Variants in SLC4A8 observed in about 807,000 individuals in gnomAD.
SLC4A8 encodes the protein electroneutral sodium bicarbonate exchanger 1.
A neutral mutation model predicts 125.0 loss-of-function variants in SLC4A8; 40 were observed. The ratio of observed to expected loss-of-function variants is 0.32; its 90% CI spans 0.25 to 0.42. The LOEUF (loss-of-function observed/expected upper bound fraction) is 0.42. Among genes scored for constraint, SLC4A8 ranks in the 10% least tolerant of loss-of-function variants. The probability of loss-of-function intolerance (pLI) is 1.00; values close to 1 mark genes in which losing one functional copy is unlikely to be tolerated. For synonymous variants in SLC4A8, 456 were observed against 476.0 expected (o/e 0.96, Z 0.55); for missense variants, 863 against 1,355.1 (o/e 0.64, Z 5.70).
intron 1 of SLC4A8, among the ~76,000 whole-genome samples, chr12:51,396,778 G>A (rs1458865084): frequency 6.6e-6 from 1 of 151,616 alleles, no homozygotes; most frequent in Non-Finnish European, 1.5e-5. Flanking sequence ...TGTATTTTTT[G>A]AATGGTTATT....
chr12:51,483,586 A>G lies in SLC4A8; in HGVS notation c.2173-2201A>G, dbSNP rs566550969. ...GTTCATATTTTAGAAGATGTAAAGC[A>G]ATGAAATTTGCTCTAAATAAATGGC... On this transcript the variant is annotated intron_variant, in intron 16 of 24. Transcript: ENST00000453097. Among the ~76,000 whole-genome samples the G allele has an allele frequency of 6.6e-5, 10 of 151,504 alleles. No homozygotes were observed. The South Asian group carries it at 2.1e-3, about 32-fold the overall frequency.
intron 1 of SLC4A8, among the ~76,000 whole-genome samples, chr12:51,402,678 C>T (rs1378312674): frequency 1.3e-5 from 2 of 152,020 alleles, no homozygotes; most frequent in Non-Finnish European, 2.9e-5. Context: ...GCCGAGACCG[C>T]GCCATTGCAC....
chr12:51,485,927 C>A, intron 17 of SLC4A8, 27 bp downstream of exon 17: 1 of 1,282,016 alleles, frequency 7.8e-7, no homozygotes, highest in Non-Finnish European at 1.1e-6. Flanking sequence ...GTACTTGGTG[C>A]ACTCATGTAA....
At chr12:51,462,918 A>G (rs915362675) in intron 10 of SLC4A8, 1 of 150,536 alleles carries the variant, frequency 6.6e-6, no homozygotes, top group African/African-American at 2.5e-5. Context: ...AAGAATTTGC[A>G]TAGCATAAAT....
intron 2 of SLC4A8, 106 bp from the exon 3 acceptor site, chr12:51,450,770 C>T (rs184253745): frequency 1.6e-6 from 2 of 1,247,322 alleles, no homozygotes; most frequent in South Asian, 1.3e-5. Flanking sequence ...TGTGACCAGA[C>T]CAAAGAACTG....
chr12:51,423,144 G>T (rs1335497102), upstream of SLC4A8, among the ~76,000 whole-genome samples: 1 of 152,076 alleles, frequency 6.6e-6, no homozygotes, highest in African/African-American at 2.4e-5. Flanking sequence ...TATACAGAAG[G>T]GCATAAGAAA....
intron 1 of SLC4A8, among the ~76,000 whole-genome samples, chr12:51,417,755 A>G (rs949204790): frequency 2.0e-5 from 3 of 152,088 alleles, no homozygotes; most frequent in African/African-American, 7.2e-5. Flanking sequence ...TGACCTCGTG[A>G]TCTGCCCACC....
At chr12:51,451,450 A>C (rs1949970211) in intron 3 of SLC4A8, among the ~76,000 whole-genome samples, 1 of 152,252 alleles carries the variant, frequency 6.6e-6, no homozygotes, top group Admixed American at 6.5e-5. Flanking sequence ...ATTGTTATTT[A>C]CTATAGGGTT....
chr12:51,422,850 G>A (rs574167863), upstream of SLC4A8, among the ~76,000 whole-genome samples: 1 of 152,246 alleles, frequency 6.6e-6, no homozygotes, highest in East Asian at 1.9e-4. Flanking sequence ...GACTTAGCTC[G>A]AATCCATGTC....
intron 16 of SLC4A8, among the ~76,000 whole-genome samples, chr12:51,479,738 CA>C (rs1317106772): frequency 6.7e-6 from 1 of 148,802 alleles, no homozygotes; most frequent in African/African-American, 2.5e-5. Flanking sequence ...GTATTTTGAG[CA>C]AAATACATAT....
chr12:51,464,059 A>G (rs1950437060), intron 11 of SLC4A8, among the ~76,000 whole-genome samples: 2 of 151,744 alleles, frequency 1.3e-5, no homozygotes. Context: ...GCCTTCTAGG[A>G]CTCTCTCTGG....
chr12:51,424,054 C>CAAAAAAAAAAAAA (rs1334821004), upstream of SLC4A8, among the ~76,000 whole-genome samples: 6 of 77,440 alleles, frequency 7.7e-5, no homozygotes, highest in Non-Finnish European at 9.9e-5. Context: ...AAAAAAAAAA[C>CAAAAAAAAAAAAA]AAAAAAAACA....
upstream of SLC4A8, chr12:51,420,048 CT>C (rs1948753129): frequency 6.6e-6 from 1 of 152,198 alleles, no homozygotes; most frequent in Admixed American, 6.5e-5. Context: ...AATCATGCAC[CT>C]GCATAACCTT....
At chr12:51,483,940 C>A (rs1323202542) in intron 16 of SLC4A8, among the ~76,000 whole-genome samples, 1 of 152,098 alleles carries the variant, frequency 6.6e-6, no homozygotes, top group Non-Finnish European at 1.5e-5. Flanking sequence ...ATCCTGTGTC[C>A]AAGTGTTCTC....
At chr12:51,403,789 T>C (rs912231819) in intron 1 of SLC4A8, among the ~76,000 whole-genome samples, 1 of 152,274 alleles carries the variant, frequency 6.6e-6, no homozygotes, top group African/African-American at 2.4e-5. Flanking sequence ...ATTGAGATTC[T>C]TCCCATGTCA....
chr12:51,434,481 A>G lies in SLC4A8; in HGVS notation c.49-6227A>G, dbSNP rs183225021. ...CCTGACCTTTCAAATGCTTTTGCTAATGGTTATTGACAGTGGCTCTGTTTT... is the reference window on the plus strand; with the variant it reads ...CCTGACCTTTCAAATGCTTTTGCTAGTGGTTATTGACAGTGGCTCTGTTTT... On this transcript the variant is annotated intron_variant, in intron 1 of 24. Coordinates refer to ENST00000453097, the MANE Select transcript of SLC4A8 (RefSeq NM_001039960.3). Among the ~76,000 whole-genome samples, 302 of 152,334 alleles carry G rather than the reference A, an allele frequency of 2.0e-3. 2 individuals carry two copies. Among genetic ancestry groups the G allele is most frequent in the African/African-American group, 6.6e-3 (274 of 41,576 alleles).
chr12:51,469,829 C>T (rs1421650527), intron 12 of SLC4A8, 41 bp downstream of exon 12: 2 of 1,595,010 alleles, frequency 1.3e-6, no homozygotes, highest in Non-Finnish European at 1.7e-6. Context: ...CAAACAAGAC[C>T]TAAAATATTG....
intron 1 of SLC4A8, among the ~76,000 whole-genome samples, chr12:51,395,356 T>A (rs1948238755): frequency 6.6e-6 from 1 of 151,818 alleles, no homozygotes; most frequent in Non-Finnish European, 1.5e-5. Flanking sequence ...TTTCTCACGA[T>A]CTTATTTTTA....
At chr12:51,443,635 T>A (rs981462503) in intron 2 of SLC4A8, among the ~76,000 whole-genome samples, 1 of 152,142 alleles carries the variant, frequency 6.6e-6, no homozygotes, top group African/African-American at 2.4e-5. Flanking sequence ...CTGGAGTGAG[T>A]TTAAGGCCTT....
Sources: gnomAD v4.1 joint callset for allele counts (sites outside exome capture counted in the v4.1 genomes callset) on GRCh38, gnomAD v4.1.1 for gene constraint, MANE v1.5 for transcripts, NCBI Gene and HGNC (gene_info 2026-07-23, HGNC 2026-07-21) for gene names.